Variants in SOX5 observed in about 807,000 individuals in gnomAD.
SOX5 encodes the protein SRY-box transcription factor 5, also known as transcription factor SOX-5.
In SOX5, 9 loss-of-function variants were observed where a neutral mutation model predicts 92.0. The ratio of observed to expected loss-of-function variants is 0.10; its 90% confidence interval spans 0.06 to 0.17. The LOEUF is 0.17. SOX5 is among the 10% of genes least tolerant of loss of function. SOX5 has a pLI of 1.00. For missense variants in SOX5, 642 were observed against 944.5 expected (o/e 0.68, Z 4.20); for synonymous variants, 344 against 336.3 (o/e 1.02, Z -0.25).
intron 3 of SOX5, among the ~76,000 whole-genome samples, chr12:24,246,625 G>T (rs1480012311): frequency 6.6e-6 from 1 of 152,102 alleles, no homozygotes; most frequent in Non-Finnish European, 1.5e-5. Flanking sequence ...TCTTGGAAGA[G>T]AAGTAGTGTA....
chr12:24,529,955 G>C (rs1015541063), intron 1 of SOX5, among the ~76,000 whole-genome samples: 3 of 144,842 alleles, frequency 2.1e-5, no homozygotes, highest in African/African-American at 5.1e-5. Flanking sequence ...GGGAGGCAGA[G>C]CTTGCAGTGA....
intron 2 of SOX5, among the ~76,000 whole-genome samples, chr12:24,284,909 G>C (rs1330322293): frequency 2.0e-5 from 3 of 152,194 alleles, no homozygotes; most frequent in African/African-American, 4.8e-5. Context: ...TGGATCACCT[G>C]AGGTCAGGAG....
intron 4 of SOX5, among the ~76,000 whole-genome samples, chr12:24,038,905 A>C (rs1956285528): frequency 6.6e-6 from 1 of 152,252 alleles, no homozygotes; most frequent in Admixed American, 6.5e-5. Flanking sequence ...TGTGGTTTTT[A>C]TCTGGACATC....
chr12:23,612,477 T>G (rs1332379252), intron 8 of SOX5, among the ~76,000 whole-genome samples: 1 of 152,128 alleles, frequency 6.6e-6, no homozygotes, highest in African/African-American at 2.4e-5. Flanking sequence ...AACAAATATA[T>G]AGACTTACAT....
chr12:24,182,660 T>C (rs776387019), intron 4 of SOX5, among the ~76,000 whole-genome samples: 6 of 152,170 alleles, frequency 3.9e-5, no homozygotes, highest in African/African-American at 1.4e-4. Context: ...CATATAAATC[T>C]AATTCACTGG....
intron 4 of SOX5, among the ~76,000 whole-genome samples, chr12:24,180,764 C>T (rs934654406): frequency 6.6e-6 from 1 of 152,276 alleles, no homozygotes; most frequent in African/African-American, 2.4e-5. Context: ...TCTGACTGTA[C>T]ATTATACTTC....
chr12:24,477,052 C>T, intron 1 of SOX5, among the ~76,000 whole-genome samples: 1 of 141,994 alleles, frequency 7.0e-6, no homozygotes. Flanking sequence ...CTTTAAAACA[C>T]ATTTCCAAAA....
chr12:23,923,906 CAG>C (rs1939190516), intron 1 of SOX5, among the ~76,000 whole-genome samples: 1 of 152,150 alleles, frequency 6.6e-6, no homozygotes, highest in East Asian at 1.9e-4. Flanking sequence ...CTTTAATCTT[CAG>C]AGTTTGAATT....
At chr12:23,622,415 T>G (rs929413131) in intron 8 of SOX5, among the ~76,000 whole-genome samples, 14 of 152,294 alleles carry the variant, frequency 9.2e-5, no homozygotes, top group African/African-American at 3.4e-4. Flanking sequence ...TATTTCTCTT[T>G]TTTATTTGGA....
In SOX5 at chr12:24,372,812, T is replaced by C. The variant is rs545396782; in HGVS notation, c.-250-4173A>G. Among the ~76,000 whole-genome samples the C allele has an allele frequency of 2.0e-5, 3 of 152,176 alleles. No individual in the cohort carries two copies. In the South Asian group the frequency reaches 6.2e-4, roughly 32 times the overall value. ...ATCTGTTGTTTCCTGACTTTTTAAT[T>C]GCTGCTTCTTTAAACAGACTTGGGG... On this transcript the variant is annotated intron_variant, in intron 1 of 4. Transcript: ENST00000446891.
intron 3 of SOX5, among the ~76,000 whole-genome samples, chr12:24,252,494 G>A (rs886339934): frequency 6.6e-6 from 1 of 151,250 alleles, no homozygotes; most frequent in African/African-American, 2.4e-5. Context: ...CAAAATAAAG[G>A]GGGAAAGGCC....
chr12:23,882,687 A>G lies in SOX5; in HGVS notation c.270+13106T>C, dbSNP rs1183084875. ...CATACTAACTGAAACTCACTATACAAAAAGTACTATGTTAGGTGATTTTCT... is the reference window on the plus strand; with the variant it reads ...CATACTAACTGAAACTCACTATACAGAAAGTACTATGTTAGGTGATTTTCT... On this transcript the variant is annotated intron_variant, in intron 2 of 14. Coordinates refer to ENST00000451604, the MANE Select transcript of SOX5 (RefSeq NM_006940.6). Among the ~76,000 whole-genome samples the G allele has an allele frequency of 1.3e-5, 2 of 152,334 alleles. 1 individual carries two copies. The highest frequency in any genetic ancestry group is 4.1e-4 in the South Asian group (2 of 4,826).
chr12:24,187,126 GGATATTC>G (rs985251274), intron 4 of SOX5, among the ~76,000 whole-genome samples: 1 of 152,138 alleles, frequency 6.6e-6, no homozygotes, highest in Non-Finnish European at 1.5e-5. Flanking sequence ...CCCATCTCAT[GGATATTC>G]TACCTGGGGC....
At chr12:24,517,571 C>T (rs1949905884) in intron 1 of SOX5, among the ~76,000 whole-genome samples, 1 of 152,152 alleles carries the variant, frequency 6.6e-6, no homozygotes, top group East Asian at 1.9e-4. Context: ...ATCAAGAGAT[C>T]ACAGCTTGAG....
intron 4 of SOX5, among the ~76,000 whole-genome samples, chr12:24,057,817 T>G (rs367973835): frequency 6.6e-6 from 1 of 152,234 alleles, no homozygotes; most frequent in Non-Finnish European, 1.5e-5. Flanking sequence ...TTTGAGGAAC[T>G]GTAAGATGAC....
intron 3 of SOX5, among the ~76,000 whole-genome samples, chr12:24,243,301 T>C (rs1453338857): frequency 3.3e-5 from 5 of 152,176 alleles, no homozygotes; most frequent in Admixed American, 1.3e-4. Context: ...CAGTTTATAA[T>C]CTGTAAAGTT....
chr12:24,312,870 T>C (rs548110179), intron 2 of SOX5, among the ~76,000 whole-genome samples: 36 of 152,342 alleles, frequency 2.4e-4, no homozygotes, highest in South Asian at 1.9e-3. Flanking sequence ...GCTTATTGTA[T>C]TCCAGTGCTT....
chr12:24,424,814 G>GT (rs1555286318), intron 1 of SOX5, among the ~76,000 whole-genome samples: 45 of 150,818 alleles, frequency 3.0e-4, no homozygotes, highest in Admixed American at 9.9e-4. Flanking sequence ...TTTTTGGGGG[G>GT]GGGGGATGGC....
rs192294227 is a variant in SOX5 at position 24,164,156 on chromosome 12, T to A, written c.-2+49187A>T. ...CTTTCACTCCATTTTCTTCAACAAG[T>A]CCCCAGATACACAATAATACCGTTT... On this transcript the variant is annotated intron_variant, in intron 4 of 4. Transcript: ENST00000446891. 1.9e-3 allele frequency among the ~76,000 whole-genome samples: 293 copies of A among 152,086 alleles called. 2 individuals are homozygous for A. Among genetic ancestry groups the A allele is most frequent in the African/African-American group, 6.9e-3 (288 of 41,522 alleles).
Sources: gnomAD v4.1 joint callset for allele counts (sites outside exome capture counted in the v4.1 genomes callset) on GRCh38, gnomAD v4.1.1 for gene constraint, MANE v1.5 for transcripts, NCBI Gene and HGNC (gene_info 2026-07-23, HGNC 2026-07-21) for gene names.